The following RREB1 variants were observed in gnomAD, a reference collection of about 807,000 sequenced individuals.
RREB1 encodes ras-responsive element-binding protein 1.
In RREB1, 27 loss-of-function variants were observed where a neutral mutation model predicts 117.8. The ratio of observed to expected loss-of-function variants is 0.23; its 90% CI spans 0.17 to 0.32. RREB1 has a LOEUF of 0.32. Ranked by LOEUF, RREB1 falls within the 10% of genes least tolerant of loss-of-function variation. RREB1 has a pLI of 1.00. For missense variants in RREB1, 2,577 were observed against 2,378.2 expected (o/e 1.08, Z -1.74); for synonymous variants, 1,298 against 1,026.7 (o/e 1.26, Z -5.05).
intron 10 of RREB1, among the ~76,000 whole-genome samples, chr6:7,233,709 G>A (rs1768135147): frequency 6.6e-6 from 1 of 152,156 alleles, no homozygotes; most frequent in South Asian, 2.1e-4. Context: ...GGATGTTGAG[G>A]GTGGGTTGTG....
At chr6:7,168,946 T>G (rs911751682) in intron 1 of RREB1, among the ~76,000 whole-genome samples, 1 of 152,256 alleles carries the variant, frequency 6.6e-6, no homozygotes, top group Non-Finnish European at 1.5e-5. Context: ...GAGGATTAAA[T>G]ATATGTAAAG....
chr6:7,118,626 A>G (rs1409704526), intron 1 of RREB1, among the ~76,000 whole-genome samples: 2 of 152,126 alleles, frequency 1.3e-5, no homozygotes, highest in Non-Finnish European at 2.9e-5. Context: ...GTGTCTCTGA[A>G]TTTGATTTGT....
At chr6:7,240,251 GA>G (rs1768614673) in intron 10 of RREB1, among the ~76,000 whole-genome samples, 186 bp from the exon 11 acceptor site, 1 of 150,824 alleles carries the variant, frequency 6.6e-6, no homozygotes, top group Non-Finnish European at 1.5e-5. Flanking sequence ...TTCAACTTAG[GA>G]AAAGGGAGAA....
intron 1 of RREB1, among the ~76,000 whole-genome samples, chr6:7,112,051 T>C (rs1313992881): frequency 6.6e-6 from 1 of 152,172 alleles, no homozygotes; most frequent in Admixed American, 6.5e-5. Flanking sequence ...TTCCCTTAGA[T>C]TAGGTTTTGA....
intron 1 of RREB1, among the ~76,000 whole-genome samples, chr6:7,118,739 G>A (rs569573934): frequency 1.5e-4 from 23 of 149,918 alleles, no homozygotes; most frequent in Non-Finnish European, 3.0e-4. Context: ...GAGATTTAGC[G>A]TCCTTTTGAA....
intron 6 of RREB1, among the ~76,000 whole-genome samples, chr6:7,200,242 ATATGTG>A (rs1420731130): frequency 2.3e-3 from 244 of 104,448 alleles, no homozygotes; most frequent in Non-Finnish European, 3.1e-3. Flanking sequence ...GTATGTGTGT[ATATGTG>A]TGTGTGTGTG....
intron 1 of RREB1, among the ~76,000 whole-genome samples, chr6:7,133,463 G>A (rs1309167183): frequency 6.6e-6 from 1 of 152,038 alleles, no homozygotes; most frequent in African/African-American, 2.4e-5. Flanking sequence ...GGCACACCCG[G>A]GAAGTCCCAG....
intron 10 of RREB1, 126 bp downstream of exon 10, chr6:7,232,033 G>T: frequency 1.0e-6 from 1 of 990,598 alleles, no homozygotes. Context: ...TTCTTCCCCG[G>T]TCTCCGAAGC....
chr6:7,123,990 G>A (rs775862022), intron 1 of RREB1, among the ~76,000 whole-genome samples: 29 of 152,124 alleles, frequency 1.9e-4, no homozygotes, highest in African/African-American at 5.8e-4. Flanking sequence ...CTAAGAATGC[G>A]GCATTGGGAT....
chr6:7,249,014 C>T lies in RREB1; in HGVS notation c.*46C>T, dbSNP rs918056537. The T allele has an allele frequency of 6.6e-6, 9 of 1,372,566 alleles. No homozygotes were observed. Among genetic ancestry groups the T allele is most frequent in the African/African-American group, 3.0e-5 (2 of 67,750 alleles). 85.0% of individuals were successfully genotyped at this position (1,372,566 alleles called of 1,614,324 possible). ...ACAGACAAAAGCCAGCAGAGCAAAG[C>T]GTCTATACTTCATGGGGTTTCCTCA... is the stretch of plus-strand genomic sequence containing the variant. On this transcript the variant is annotated 3_prime_UTR_variant, in exon 13 of 13. Transcript: ENST00000379938.
chr6:7,237,530 C>G (rs1768415468), intron 10 of RREB1, among the ~76,000 whole-genome samples: 1 of 152,156 alleles, frequency 6.6e-6, no homozygotes, highest in African/African-American at 2.4e-5. Flanking sequence ...GCCCAGCTGG[C>G]TGATGGTTTA....
chr6:7,233,896 G>C (rs1172200633), intron 10 of RREB1, among the ~76,000 whole-genome samples: 1 of 152,198 alleles, frequency 6.6e-6, no homozygotes, highest in Non-Finnish European at 1.5e-5. Flanking sequence ...AGAGGAATCT[G>C]GGAGCCAGAG....
chr6:7,165,470 T>C (rs567210992), intron 1 of RREB1, among the ~76,000 whole-genome samples: 6 of 152,358 alleles, frequency 3.9e-5, no homozygotes, highest in African/African-American at 1.4e-4. Flanking sequence ...TGAAGAATTC[T>C]GAGAAGCAGG....
At chr6:7,124,759 G>T (rs538484889) in intron 1 of RREB1, among the ~76,000 whole-genome samples, 1 of 152,270 alleles carries the variant, frequency 6.6e-6, no homozygotes, top group Admixed American at 6.5e-5. Context: ...TTCCTTTCAT[G>T]CATCATCTCA....
chr6:7,136,091 G>T (rs1762341289), intron 1 of RREB1, among the ~76,000 whole-genome samples: 1 of 152,132 alleles, frequency 6.6e-6, no homozygotes, highest in African/African-American at 2.4e-5. Flanking sequence ...GGTGATCAGG[G>T]GTGATGATGA....
rs1473853378 is a variant in RREB1 at position 7,229,815 on chromosome 6, C to T, written c.1716C>T (p.His572=). The change falls in exon 10 of 13, where the codon CAC becomes CAT. Residue 572 remains histidine, a synonymous_variant. Transcript: ENST00000379938. This position sits in a 1 kb window ranked among gnomAD's most constrained non-coding sequence, Gnocchi z 4.5. ...AGTCCAAGTCCGGGACCCAGCCCCACGCGGCCACGCGGCTCTCCCTGCAGC... is the reference window on the plus strand; with the variant it reads ...AGTCCAAGTCCGGGACCCAGCCCCATGCGGCCACGCGGCTCTCCCTGCAGC... ...LLQSKSGTQP[H]AATRLSLQQP... The T allele has an allele frequency of 6.2e-7, 1 of 1,610,164 alleles. No homozygotes were observed. Among genetic ancestry groups the T allele is most frequent in the East Asian group, 2.2e-5 (1 of 44,748 alleles).
At chr6:7,179,905 G>T (rs1014746832) in intron 2 of RREB1, among the ~76,000 whole-genome samples, 3 of 152,014 alleles carry the variant, frequency 2.0e-5, no homozygotes, top group Non-Finnish European at 4.4e-5. Context: ...TCCCACCTTG[G>T]CCTCCCAAAG....
chr6:7,163,845 G>A (rs535791571), intron 1 of RREB1, among the ~76,000 whole-genome samples: 6 of 152,356 alleles, frequency 3.9e-5, no homozygotes, highest in African/African-American at 1.2e-4. Flanking sequence ...CATATCCAGT[G>A]AGCATGATAG....
At position 7,246,477 on chromosome 6, in the gene RREB1, A is replaced by T; in HGVS notation, c.4027A>T (p.Thr1343Ser). 6.5e-7 allele frequency: 1 copy of T among 1,537,936 alleles called. No individual in the cohort carries two copies. The highest frequency in any genetic ancestry group is 8.8e-7 in the Non-Finnish European group (1 of 1,140,710). ...CGCCGCGGGCGAAGTGCTAGACCTC[A>T]CCTCACGGGACAGAGAGCAGCCGTC... ...AAAAGEVLDL[T>S]SRDREQPSEG... is the part of the protein sequence containing the mutation. The change falls in exon 12 of 13, where the codon ACC becomes TCC. Residue 1343 changes from threonine (T) to serine (S), a missense_variant. By Grantham distance (58) the Thr-to-Ser change is moderately conservative. Transcript: ENST00000379938.
Sources: gnomAD v4.1 joint callset for allele counts (sites outside exome capture counted in the v4.1 genomes callset) on GRCh38, gnomAD v4.1.1 for gene constraint, Gnocchi (gnomAD v3.1) non-coding constraint, MANE v1.5 for transcripts, NCBI Gene and HGNC (gene_info 2026-07-23, HGNC 2026-07-21) for gene names.